Variants in UBE2L3 observed in about 807,000 individuals in gnomAD.
UBE2L3 encodes ubiquitin-conjugating enzyme E2 L3.
Under a neutral mutation model 17.8 loss-of-function variants are expected in UBE2L3, and 1 was observed. That is an observed-to-expected ratio of 0.06 (90% confidence interval 0.02 to 0.27). The LOEUF (loss-of-function observed/expected upper bound fraction) is 0.27, where lower values mean the gene tolerates loss of function less well. Among genes scored for constraint, UBE2L3 ranks in the 10% least tolerant of loss-of-function variants. The pLI is 1.00. For synonymous variants in UBE2L3, 44 were observed against 68.5 expected (o/e 0.64, Z 1.76); for missense variants, 40 against 192.6 (o/e 0.21, Z 4.69).
chr22:21,592,524 A>G (rs539410645), intron 1 of UBE2L3, among the ~76,000 whole-genome samples: 2 of 152,306 alleles, frequency 1.3e-5, no homozygotes, highest in South Asian at 2.1e-4. Context: ...TGTCTGCCCT[A>G]TGCAGGGTGC....
At chr22:21,562,094 A>C (rs572383487) in intron 1 of UBE2L3, among the ~76,000 whole-genome samples, 19 of 149,360 alleles carry the variant, frequency 1.3e-4, no homozygotes, top group African/African-American at 4.5e-4. Flanking sequence ...GAGCCCCCAC[A>C]CCTCATCAAA....
intron 3 of UBE2L3, among the ~76,000 whole-genome samples, chr22:21,617,919 T>C (rs1356916551): frequency 6.6e-6 from 1 of 152,214 alleles, no homozygotes; most frequent in Non-Finnish European, 1.5e-5. Context: ...TGGTGGCTCA[T>C]GCCTGTAATC....
At chr22:21,591,554 T>A (rs1928265888) in intron 1 of UBE2L3, among the ~76,000 whole-genome samples, 1 of 152,230 alleles carries the variant, frequency 6.6e-6, no homozygotes, top group African/African-American at 2.4e-5. Context: ...ACCAGTAACC[T>A]GGGCTCCGGT....
chr22:21,621,535 C>G lies in UBE2L3; in HGVS notation c.331C>G (p.Leu111Val). The part of the protein sequence containing the change: ...TDQVIQSLIA[L>V]VNDPQPEHPL... ...GGCAGTAATCCAGTCCCTCATAGCA[C>G]TGGTGAATGACCCCCAGCCTGAGCA... The change falls in exon 4 of 4, where the codon CTG becomes GTG. Residue 111 changes from leucine (L) to valine (V), a missense_variant. By Grantham distance (32) the Leu-to-Val change is conservative. Coordinates refer to ENST00000342192, the MANE Select transcript of UBE2L3 (RefSeq NM_003347.4). 1 of 1,611,724 alleles carries G rather than the reference C, an allele frequency of 6.2e-7. No individual in the cohort carries two copies. Among genetic ancestry groups the G allele is most frequent in the Non-Finnish European group, 8.5e-7 (1 of 1,179,750 alleles).
chr22:21,575,631 CTTTTTTTTTTTTTTTTTTT>C (rs533923826), intron 1 of UBE2L3, among the ~76,000 whole-genome samples: 1 of 73,394 alleles, frequency 1.4e-5, no homozygotes, highest in Non-Finnish European at 2.4e-5. Flanking sequence ...AGTTGAATAG[CTTTTTTTTTTTTTTTTTTT>C]TTTTTTTTTG....
At chr22:21,566,129 C>T (rs1223413215), upstream of UBE2L3, among the ~76,000 whole-genome samples, 2 of 151,976 alleles carry the variant, frequency 1.3e-5, no homozygotes, top group African/African-American at 4.8e-5. Flanking sequence ...CCCACCACCA[C>T]ACCTGGCTAA....
intron 2 of UBE2L3, among the ~76,000 whole-genome samples, chr22:21,597,545 G>A (rs1179578460): frequency 6.6e-6 from 1 of 151,178 alleles, no homozygotes; most frequent in Non-Finnish European, 1.5e-5. Context: ...GGTCCTCCTG[G>A]CTTAGCCTCT....
At chr22:21,613,334 C>A (rs112202318) in intron 3 of UBE2L3, among the ~76,000 whole-genome samples, 386 of 152,314 alleles carry the variant, frequency 2.5e-3, no homozygotes, top group Middle Eastern at 0.014. Context: ...TCCCCCACCC[C>A]CAAGAGCCAA....
At chr22:21,585,216 G>A (rs780202557) in intron 1 of UBE2L3, among the ~76,000 whole-genome samples, 4 of 152,178 alleles carry the variant, frequency 2.6e-5, no homozygotes, top group Admixed American at 1.3e-4. Flanking sequence ...GAATAGTTCA[G>A]GGTGGCCTGG....
chr22:21,622,428 A>C lies in UBE2L3; in HGVS notation c.*759A>C, dbSNP rs1328080915. 2.0e-5 allele frequency: 3 copies of C among 152,860 alleles called. No homozygotes were observed. The highest frequency in any genetic ancestry group is 4.4e-5 in the Non-Finnish European group (3 of 68,136). 9.5% of individuals were successfully genotyped at this position (152,860 alleles called of 1,614,324 possible). On this transcript the variant is annotated 3_prime_UTR_variant, in exon 4 of 4. Transcript: ENST00000342192. Reference sequence around the variant, plus strand: ...GTGGCCCCGAAATGGGGGGCCTGCTAGTCAGGAGGATGCTGTGCACACTGT... The same window carrying C: ...GTGGCCCCGAAATGGGGGGCCTGCTCGTCAGGAGGATGCTGTGCACACTGT...
At chr22:21,567,515 G>A (rs1289533157), upstream of UBE2L3, 1 of 873,744 alleles carries the variant, frequency 1.1e-6, no homozygotes, top group Non-Finnish European at 1.7e-6. Flanking sequence ...GCCAGGCACT[G>A]GTTGTAACTG....
At chr22:21,608,084 A>G (rs1929272192) in intron 2 of UBE2L3, among the ~76,000 whole-genome samples, 1 of 152,238 alleles carries the variant, frequency 6.6e-6, no homozygotes, top group Admixed American at 6.5e-5. Flanking sequence ...TAAGAAAACA[A>G]CAATAAATAA....
chr22:21,575,171 A>G (rs1927194027), intron 1 of UBE2L3, among the ~76,000 whole-genome samples: 1 of 148,690 alleles, frequency 6.7e-6, no homozygotes, highest in Non-Finnish European at 1.5e-5. Flanking sequence ...AGGCAGGAGA[A>G]TTGCTTGAAC....
At chr22:21,581,733 C>T (rs1016710599) in intron 1 of UBE2L3, among the ~76,000 whole-genome samples, 1 of 151,214 alleles carries the variant, frequency 6.6e-6, no homozygotes, top group East Asian at 1.9e-4. Context: ...ACCTGGGAGG[C>T]GGGGGTTGTG....
At chr22:21,569,585 C>T (rs1226544361) in intron 1 of UBE2L3, among the ~76,000 whole-genome samples, 2 of 152,090 alleles carry the variant, frequency 1.3e-5, no homozygotes, top group African/African-American at 4.8e-5. Context: ...TTAAAAACCT[C>T]TATGGTGTTA....
chr22:21,604,756 T>G (rs1167372427), intron 2 of UBE2L3, among the ~76,000 whole-genome samples: 1 of 152,116 alleles, frequency 6.6e-6, no homozygotes, highest in Non-Finnish European at 1.5e-5. Flanking sequence ...CATGCCTCTT[T>G]CACCAAAAAT....
chr22:21,602,798 G>A (rs756634640), intron 2 of UBE2L3, among the ~76,000 whole-genome samples: 8 of 152,214 alleles, frequency 5.3e-5, no homozygotes, highest in Non-Finnish European at 1.0e-4. Flanking sequence ...GAAGACTCGA[G>A]AAAAGGGCCA....
intron 1 of UBE2L3, among the ~76,000 whole-genome samples, chr22:21,583,698 A>G (rs1927766641): frequency 6.6e-6 from 1 of 152,204 alleles, no homozygotes; most frequent in African/African-American, 2.4e-5. Context: ...TTGAGTATCT[A>G]TAATGACATG....
At chr22:21,612,175 A>G (rs999508089) in intron 3 of UBE2L3, among the ~76,000 whole-genome samples, 14 of 152,212 alleles carry the variant, frequency 9.2e-5, no homozygotes, top group Non-Finnish European at 1.9e-4. Flanking sequence ...AAAGGTGCCC[A>G]TTAGACTCCC....
Sources: allele counts gnomAD v4.1 joint callset (sites outside exome capture counted in the v4.1 genomes callset), GRCh38; gene constraint gnomAD v4.1.1; transcripts MANE v1.5; gene names NCBI Gene and HGNC (gene_info 2026-07-23, HGNC 2026-07-21).